Variants in TBXAS1 observed in about 807,000 individuals in gnomAD.
TBXAS1 encodes thromboxane-A synthase.
TBXAS1 carries 48 observed loss-of-function variants against 60.7 expected under a neutral mutation model. The observed-to-expected ratio is 0.79, with a 90% CI of 0.63 to 1.01. The LOEUF is 1.01. Ranked by LOEUF, TBXAS1 falls within the 50% of genes least tolerant of loss-of-function variation. TBXAS1 has a pLI of 0.00. For synonymous variants in TBXAS1, 287 were observed against 269.7 expected, an observed-to-expected ratio of 1.06 and a Z score of -0.63; for missense variants, 685 against 686.3, an observed-to-expected ratio of 1.00 and a Z score of 0.02.
At chr7:139,862,040 T>C (rs1399678296) in intron 1 of TBXAS1, among the ~76,000 whole-genome samples, 2 of 152,216 alleles carry the variant, frequency 1.3e-5, no homozygotes, top group Admixed American at 6.5e-5. Flanking sequence ...AGTTGGTGGA[T>C]TGTGGTTGCA....
intron 4 of TBXAS1, among the ~76,000 whole-genome samples, chr7:139,810,047 T>A (rs1001899382): frequency 2.0e-5 from 3 of 152,120 alleles, no homozygotes; most frequent in Non-Finnish European, 4.4e-5. Flanking sequence ...TAACTTTTTT[T>A]TTTTTTTGAG....
At chr7:139,861,672 T>C (rs1182982087) in intron 1 of TBXAS1, among the ~76,000 whole-genome samples, 1 of 152,224 alleles carries the variant, frequency 6.6e-6, no homozygotes, top group African/African-American at 2.4e-5. Flanking sequence ...ATTAAGTGCG[T>C]AACATCTGAC....
At chr7:139,809,329 TAG>T (rs1797970997) in intron 4 of TBXAS1, among the ~76,000 whole-genome samples, 1 of 121,296 alleles carries the variant, frequency 8.2e-6, no homozygotes, top group East Asian at 2.9e-4. Flanking sequence ...ATTAGATAGA[TAG>T]ATAGATAGAT....
At chr7:139,995,818 G>A (rs565455835) in intron 9 of TBXAS1, among the ~76,000 whole-genome samples, 3 of 152,180 alleles carry the variant, frequency 2.0e-5, no homozygotes, top group South Asian at 2.1e-4. Context: ...GTGATGATGC[G>A]CTCCTGCCTC....
intron 3 of TBXAS1, among the ~76,000 whole-genome samples, chr7:139,890,279 G>A (rs1434782300): frequency 7.5e-6 from 1 of 134,224 alleles, no homozygotes; most frequent in African/African-American, 2.8e-5. Context: ...GCTGTGGCGC[G>A]ATCTCCGCTC....
chr7:139,843,049 C>T (rs1056477450), intron 1 of TBXAS1, among the ~76,000 whole-genome samples: 1 of 152,218 alleles, frequency 6.6e-6, no homozygotes, highest in Non-Finnish European at 1.5e-5. Context: ...GCTGCCTCCA[C>T]ATTCTGATCT....
intron 4 of TBXAS1, among the ~76,000 whole-genome samples, chr7:139,933,579 T>A (rs1342038967): frequency 1.3e-5 from 2 of 152,200 alleles, no homozygotes; most frequent in African/African-American, 4.8e-5. Context: ...AGAGAGGTAT[T>A]CCTCTGCAGA....
At chr7:139,880,583 T>C (rs1802621022) in intron 3 of TBXAS1, among the ~76,000 whole-genome samples, 1 of 152,256 alleles carries the variant, frequency 6.6e-6, no homozygotes, top group Non-Finnish European at 1.5e-5. Flanking sequence ...TCATATATGA[T>C]ACATGCTGTT....
At position 139,950,658 on chromosome 7, in the gene TBXAS1, TCCCTCACCCTCCATCTACGGGACC is replaced by T. The variant is rs1407416330; in HGVS notation, c.451-2704_451-2681del. On this transcript the variant is annotated intron_variant, in intron 5 of 12. Coordinates refer to ENST00000448866, the MANE Select transcript of TBXAS1 (RefSeq NM_001061.7). ...CCATTGCAGCTTTGATCTACAGGAC[TCCCTCACCCTCCATCTACGGGACC>T]CCCTCGCCCTCCATCTACGGGACCC... Among the ~76,000 whole-genome samples, 173 of 122,810 alleles carry T rather than the reference TCCCTCACCCTCCATCTACGGGACC, an allele frequency of 1.4e-3. 13 individuals are homozygous for T. The highest frequency in any genetic ancestry group is 4.1e-3 in the East Asian group (17 of 4,142). 80.6% of individuals were successfully genotyped at this position (122,810 alleles called of 152,430 possible). A position where few individuals can be genotyped will look rare whatever the true frequency, so the allele number is the denominator to read the frequency against.
chr7:139,821,274 G>A (rs528769839), intron 4 of TBXAS1, among the ~76,000 whole-genome samples: 90 of 152,248 alleles, frequency 5.9e-4, no homozygotes, highest in African/African-American at 2.0e-3. Flanking sequence ...TAGATTTTTC[G>A]AGTCTGTAGC....
intron 7 of TBXAS1, among the ~76,000 whole-genome samples, chr7:139,956,053 C>T (rs1376933365): frequency 6.6e-6 from 1 of 152,194 alleles, no homozygotes; most frequent in East Asian, 1.9e-4. Context: ...AAGACTTCTC[C>T]ACTTGAAGCC....
At chr7:140,017,900 TGA>T in intron 12 of TBXAS1, 67 bp downstream of exon 12, 1 of 1,609,664 alleles carries the variant, frequency 6.2e-7, no homozygotes, top group Admixed American at 1.7e-5. Flanking sequence ...GTTCTCTGCG[TGA>T]GAGCAGGCCA....
At chr7:140,006,093 C>T (rs1042502687) in intron 9 of TBXAS1, among the ~76,000 whole-genome samples, 5 of 152,200 alleles carry the variant, frequency 3.3e-5, no homozygotes, top group African/African-American at 4.8e-5. Flanking sequence ...CCCTGAAGGC[C>T]GGCCTCCTGC....
chr7:139,844,246 T>C (rs1490194721), intron 1 of TBXAS1, among the ~76,000 whole-genome samples: 5 of 152,148 alleles, frequency 3.3e-5, no homozygotes, highest in Non-Finnish European at 7.4e-5. Flanking sequence ...AGCAGAGGCA[T>C]TGAAGAACAG....
At chr7:139,949,278 A>C (rs991814955) in intron 5 of TBXAS1, among the ~76,000 whole-genome samples, 1 of 152,204 alleles carries the variant, frequency 6.6e-6, no homozygotes, top group Admixed American at 6.5e-5. Flanking sequence ...AGAAAGCTTC[A>C]AGCTAGATAT....
In TBXAS1 at chr7:139,961,913, C is replaced by A. The variant is rs1257012113; in HGVS notation, c.820-6C>A. On this transcript the variant is annotated splice_polypyrimidine_tract_variant and splice_region_variant and intron_variant, in intron 8 of 12. Coordinates refer to ENST00000448866, the MANE Select transcript of TBXAS1 (RefSeq NM_001061.7). Reference sequence around the variant, plus strand: ...AAATGTGCATTTTTCTCCTTTTGTTCCTTAGAGGCGGAGAGACTTCCTCCA... The same window carrying A: ...AAATGTGCATTTTTCTCCTTTTGTTACTTAGAGGCGGAGAGACTTCCTCCA... 1.2e-6 allele frequency: 2 copies of A among 1,614,212 alleles called. No individual in the cohort carries two copies. The highest frequency in any genetic ancestry group is 3.3e-5 in the Admixed American group (2 of 60,026).
chr7:139,830,203 T>C (rs1386429894), intron 1 of TBXAS1, among the ~76,000 whole-genome samples: 1 of 152,152 alleles, frequency 6.6e-6, no homozygotes, highest in Non-Finnish European at 1.5e-5. Flanking sequence ...TCAGTTAAAC[T>C]TATTAGAGTT....
chr7:139,953,358 C>G lies in TBXAS1; in HGVS notation c.451-10C>G, dbSNP rs1809561845. On this transcript the variant is annotated splice_polypyrimidine_tract_variant and intron_variant, in intron 5 of 12. Coordinates refer to ENST00000448866, the MANE Select transcript of TBXAS1 (RefSeq NM_001061.7). ...GGTGCCCTAATTACACCTTTGTTAT[C>G]CATTATCAGATGGTTCCCCTCATCA... 1.2e-6 allele frequency: 2 copies of G among 1,611,262 alleles called. No homozygotes were observed.
intron 4 of TBXAS1, among the ~76,000 whole-genome samples, chr7:139,918,410 T>G (rs34261855): frequency 0.021 from 3,212 of 152,262 alleles, 60 homozygotes; most frequent in Non-Finnish European, 0.032. Context: ...CAAGCCCCTC[T>G]TAGGCCCCCT....
Sources: allele counts gnomAD v4.1 joint callset (sites outside exome capture counted in the v4.1 genomes callset), GRCh38; gene constraint gnomAD v4.1.1; transcripts MANE v1.5; gene names NCBI Gene and HGNC (gene_info 2026-07-23, HGNC 2026-07-21).